The following ERC2 variants were observed in gnomAD, a reference collection of about 807,000 sequenced individuals.
The protein encoded by ERC2 is ELKS/RAB6-interacting/CAST family member 2.
A neutral mutation model predicts 114.8 loss-of-function variants in ERC2; 42 were observed. The ratio of observed to expected loss-of-function variants is 0.37; its 90% CI spans 0.29 to 0.47. ERC2 has a LOEUF of 0.47. Ranked by LOEUF, ERC2 falls within the 20% of genes least tolerant of loss-of-function variation. The pLI, the probability that ERC2 is intolerant of heterozygous loss-of-function variation, is 0.99. For synonymous variants in ERC2, 454 were observed against 425.5 expected (o/e 1.07, Z -0.82); for missense variants, 939 against 1,150.7 (o/e 0.82, Z 2.66).
chr3:56,195,425 C>T, intron 3 of ERC2, among the ~76,000 whole-genome samples: 1 of 151,650 alleles, frequency 6.6e-6, no homozygotes, highest in East Asian at 1.9e-4. Flanking sequence ...GAAAAAAATG[C>T]AAAGAAAAAT....
intron 17 of ERC2, among the ~76,000 whole-genome samples, chr3:55,638,353 G>A (rs961506445): frequency 1.3e-5 from 2 of 152,126 alleles, no homozygotes; most frequent in African/African-American, 2.4e-5. Context: ...GGTTAATGTC[G>A]AGTTCTTTCT....
chr3:56,414,573 A>T (rs2061072072), intron 2 of ERC2, among the ~76,000 whole-genome samples: 1 of 152,024 alleles, frequency 6.6e-6, no homozygotes, highest in Non-Finnish European at 1.5e-5. Flanking sequence ...AAATACAAAA[A>T]AATTAGCCGG....
chr3:56,453,068 A>C (rs2107527136), intron 1 of ERC2, among the ~76,000 whole-genome samples: 1 of 152,358 alleles, frequency 6.6e-6, no homozygotes, highest in East Asian at 1.9e-4. Context: ...CATGCAAGTA[A>C]AACTTTAGCC....
intron 2 of ERC2, among the ~76,000 whole-genome samples, chr3:56,380,347 A>C (rs974399039): frequency 2.0e-5 from 3 of 152,102 alleles, no homozygotes; most frequent in Non-Finnish European, 4.4e-5. Flanking sequence ...GCTAGCCCCC[A>C]GTACAAGTTC....
At chr3:56,299,251 C>T (rs2055694601) in intron 2 of ERC2, among the ~76,000 whole-genome samples, 2 of 151,322 alleles carry the variant, frequency 1.3e-5, no homozygotes, top group Non-Finnish European at 2.9e-5. Flanking sequence ...CCTCAGCATC[C>T]CAAGTAGCTG....
chr3:56,413,407 T>G (rs758768509), intron 2 of ERC2, among the ~76,000 whole-genome samples: 3 of 152,208 alleles, frequency 2.0e-5, no homozygotes, highest in Non-Finnish European at 4.4e-5. Context: ...TGGTGGCTGC[T>G]TGGGGTCAGC....
intron 14 of ERC2, among the ~76,000 whole-genome samples, chr3:55,790,124 C>G (rs373216682): frequency 6.6e-6 from 1 of 152,174 alleles, no homozygotes; most frequent in Admixed American, 6.5e-5. Context: ...TTATTCCCTG[C>G]AGGATAAAGT....
At chr3:56,278,851 ACTCAC>A (rs2054173547) in intron 3 of ERC2, among the ~76,000 whole-genome samples, 1 of 152,150 alleles carries the variant, frequency 6.6e-6, no homozygotes, top group East Asian at 1.9e-4. Flanking sequence ...TAGAGTGAGA[ACTCAC>A]CCTTATAGCA....
At chr3:56,296,502 C>T (rs765155493) in intron 2 of ERC2, 67 bp from the exon 3 acceptor site, 39 of 1,459,854 alleles carry the variant, frequency 2.7e-5, no homozygotes, top group Non-Finnish European at 3.5e-5. Flanking sequence ...ATGTCAAGTG[C>T]CGCTTGCTGC....
chr3:55,905,777 C>G (rs569023695), intron 13 of ERC2, among the ~76,000 whole-genome samples: 1 of 152,204 alleles, frequency 6.6e-6, no homozygotes, highest in South Asian at 2.1e-4. Flanking sequence ...TCTTACCATG[C>G]CTTGTTTCCA....
intron 14 of ERC2, among the ~76,000 whole-genome samples, chr3:55,761,540 T>A (rs1208672678): frequency 6.6e-6 from 1 of 152,148 alleles, no homozygotes; most frequent in Non-Finnish European, 1.5e-5. Context: ...TGACAGCACA[T>A]AAACAAATGC....
chr3:55,763,546 C>T (rs1318018525), intron 14 of ERC2, among the ~76,000 whole-genome samples: 2 of 152,158 alleles, frequency 1.3e-5, no homozygotes, highest in African/African-American at 2.4e-5. Flanking sequence ...TCAGTTCTGC[C>T]ATCTTTAAAG....
chr3:56,078,469 A>G (rs1294318177), intron 7 of ERC2, among the ~76,000 whole-genome samples: 1 of 152,222 alleles, frequency 6.6e-6, no homozygotes, highest in Non-Finnish European at 1.5e-5. Context: ...AAGAAAGATT[A>G]CAGAACTCAC....
At chr3:55,835,036 C>G (rs990215403) in intron 14 of ERC2, among the ~76,000 whole-genome samples, 4 of 151,684 alleles carry the variant, frequency 2.6e-5, no homozygotes, top group African/African-American at 9.7e-5. Flanking sequence ...TACACCCTCC[C>G]AAGACTAAAC....
intron 8 of ERC2, among the ~76,000 whole-genome samples, chr3:56,016,346 C>T (rs947965972): frequency 1.3e-5 from 2 of 151,272 alleles, no homozygotes; most frequent in Non-Finnish European, 2.9e-5. Context: ...CTGGGTTTTA[C>T]GTTTAAATCT....
chr3:56,107,431 T>A (rs537861999), intron 6 of ERC2, among the ~76,000 whole-genome samples: 1 of 152,108 alleles, frequency 6.6e-6, no homozygotes, highest in African/African-American at 2.4e-5. Flanking sequence ...GGGCTTTGGG[T>A]CCCAGTCTCA....
chr3:55,782,312 T>A (rs2069120493), intron 14 of ERC2, among the ~76,000 whole-genome samples: 1 of 152,184 alleles, frequency 6.6e-6, no homozygotes, highest in Admixed American at 6.5e-5. Context: ...CTTTTCTGCT[T>A]ATCCCAAGTC....
chr3:55,712,250 A>C (rs577985449), intron 15 of ERC2, among the ~76,000 whole-genome samples: 1 of 152,318 alleles, frequency 6.6e-6, no homozygotes, highest in Admixed American at 6.5e-5. Context: ...GAAGAGCATA[A>C]GTGAAGGTGG....
intron 3 of ERC2, among the ~76,000 whole-genome samples, chr3:56,243,841 C>A (rs866123993): frequency 1.3e-5 from 2 of 151,924 alleles, no homozygotes; most frequent in South Asian, 4.2e-4. Context: ...TATCTGAGAG[C>A]GAGGCAAGTT....
Sources: gnomAD v4.1 joint callset for allele counts (sites outside exome capture counted in the v4.1 genomes callset) on GRCh38, gnomAD v4.1.1 for gene constraint, MANE v1.5 for transcripts, NCBI Gene and HGNC (gene_info 2026-07-23, HGNC 2026-07-21) for gene names.